Variants in CLDN10 observed in about 807,000 individuals in gnomAD.
CLDN10 encodes the protein claudin 10, also known as claudin-10.
In CLDN10, 15 loss-of-function variants were observed where a neutral mutation model predicts 22.9. The observed-to-expected ratio is 0.65, with a 90% confidence interval of 0.44 to 1.01. The LOEUF is 1.01. CLDN10 is among the 50% of genes least tolerant of loss of function. The pLI, the probability that CLDN10 is intolerant of heterozygous loss-of-function variation, is 0.00. For missense variants in CLDN10, 247 were observed against 287.8 expected (o/e 0.86, Z 1.03); for synonymous variants, 114 against 111.4 (o/e 1.02, Z -0.15).
Position 95,577,943 on chromosome 13 carries a change from A to G in CLDN10, c.616A>G (p.Lys206Glu), listed in dbSNP as rs771521203. ...CACATCTGTCATGTCTTCTCGGACA[A>G]AGTATCATGGTGGAGAAGATTTTAA... ...GATSVMSSRT[K>E]YHGGEDFKTT... Residue 206 changes from lysine (K) to glutamate (E), a missense_variant, in exon 5 of 5, where the codon AAG becomes GAG. Coordinates refer to ENST00000299339, the MANE Select transcript of CLDN10 (RefSeq NM_006984.5). 4.3e-6 allele frequency: 7 copies of G among 1,613,826 alleles called. No homozygotes were observed. The South Asian group carries it at 5.5e-5, about 13-fold the overall frequency.
intron 1 of CLDN10, among the ~76,000 whole-genome samples, chr13:95,542,164 C>T (rs148210227): frequency 1.8e-4 from 28 of 152,316 alleles, no homozygotes; most frequent in East Asian, 1.7e-3. Flanking sequence ...TTCACTATCA[C>T]GGGAACAGCC....
intron 1 of CLDN10, among the ~76,000 whole-genome samples, chr13:95,543,952 TAAG>T (rs1248178704): frequency 1.3e-5 from 2 of 152,156 alleles, no homozygotes; most frequent in African/African-American, 4.8e-5. Flanking sequence ...CTTCTTCATG[TAAG>T]AAGATTATAC....
At chr13:95,506,316 T>A (rs1441361718) in intron 1 of CLDN10, among the ~76,000 whole-genome samples, 1 of 152,190 alleles carries the variant, frequency 6.6e-6, no homozygotes, top group Non-Finnish European at 1.5e-5. Flanking sequence ...AAACAGACAC[T>A]GAACTATGAT....
At chr13:95,492,714 G>GTTCAGCTAGAGAATTCC (rs1037128159) in intron 1 of CLDN10, among the ~76,000 whole-genome samples, 8 of 152,198 alleles carry the variant, frequency 5.3e-5, no homozygotes, top group Non-Finnish European at 8.8e-5. Context: ...TTGTTATAAA[G>GTTCAGCTAGAGAATTCC]TTCAGCTAGA....
At chr13:95,470,215 G>A (rs915871725) in intron 1 of CLDN10, among the ~76,000 whole-genome samples, 7 of 152,170 alleles carry the variant, frequency 4.6e-5, no homozygotes, top group African/African-American at 1.7e-4. Context: ...GAGGTCAAAG[G>A]ATGGGACTTG....
At chr13:95,556,723 T>C (rs1194773767) in intron 1 of CLDN10, among the ~76,000 whole-genome samples, 1 of 152,214 alleles carries the variant, frequency 6.6e-6, no homozygotes, top group Non-Finnish European at 1.5e-5. Context: ...ACCACTGTTC[T>C]CTCAAAGGAT....
At position 95,484,865 on chromosome 13, in the gene CLDN10, CAAAAAAAAA is replaced by C. The variant is rs746231195; in HGVS notation, c.214+50840_214+50848del. Among the ~76,000 whole-genome samples the C allele has an allele frequency of 9.1e-3, 848 of 93,462 alleles. 3 individuals carry two copies. The highest frequency in any genetic ancestry group is 0.014 in the Non-Finnish European group (647 of 47,232). The allele number at this position is 93,462 out of a possible 152,430, so 61.3% of individuals were successfully genotyped here. On this transcript the variant is annotated intron_variant, in intron 1 of 4. Coordinates refer to the CLDN10 transcript ENST00000376873. The stretch of plus-strand genomic sequence containing the variant: ...TGGGTAACAAAGTGAGACCCTGTCT[CAAAAAAAAA>C]AAAAAAAAAAAAAAAAAAAAAGAAG...
At chr13:95,465,497 C>T (rs2042574639) in intron 1 of CLDN10, among the ~76,000 whole-genome samples, 1 of 152,196 alleles carries the variant, frequency 6.6e-6, no homozygotes, top group African/African-American at 2.4e-5. Flanking sequence ...TACAATCACA[C>T]AGCCAGGAAA....
intron 3 of CLDN10, among the ~76,000 whole-genome samples, chr13:95,576,611 C>T (rs898906875): frequency 2.0e-5 from 3 of 152,158 alleles, no homozygotes; most frequent in Non-Finnish European, 4.4e-5. Flanking sequence ...ACCTTTGTTT[C>T]GTGGCCTTCC....
At chr13:95,453,828 T>C (rs2042456493) in intron 1 of CLDN10, among the ~76,000 whole-genome samples, 1 of 152,034 alleles carries the variant, frequency 6.6e-6, no homozygotes, top group African/African-American at 2.4e-5. Flanking sequence ...GAGATTCTAG[T>C]GCCTCGCTGG....
chr13:95,486,080 G>A (rs2138505755), intron 1 of CLDN10, among the ~76,000 whole-genome samples: 1 of 152,300 alleles, frequency 6.6e-6, no homozygotes, highest in East Asian at 1.9e-4. Context: ...TGGGGCATGT[G>A]CAGACAAGAC....
At chr13:95,473,310 A>G (rs970736475) in intron 1 of CLDN10, among the ~76,000 whole-genome samples, 2 of 152,194 alleles carry the variant, frequency 1.3e-5, no homozygotes, top group Admixed American at 1.3e-4. Context: ...TAATAGATGC[A>G]ACAAACCACC....
chr13:95,451,152 A>G (rs1440403341), intron 1 of CLDN10, among the ~76,000 whole-genome samples: 2 of 152,178 alleles, frequency 1.3e-5, no homozygotes, highest in Non-Finnish European at 1.5e-5. Flanking sequence ...TTATCCATCA[A>G]GGACTCTCAG....
At chr13:95,439,866 T>A (rs1035145938) in intron 1 of CLDN10, among the ~76,000 whole-genome samples, 2 of 151,718 alleles carry the variant, frequency 1.3e-5, no homozygotes, top group African/African-American at 4.8e-5. Context: ...GAAAACAAAT[T>A]ACCATGTCAA....
intron 1 of CLDN10, among the ~76,000 whole-genome samples, chr13:95,481,267 T>C (rs1449433580): frequency 6.6e-6 from 1 of 152,182 alleles, no homozygotes; most frequent in Non-Finnish European, 1.5e-5. Context: ...ATGTTAAATC[T>C]GTGACTCAGT....
intron 1 of CLDN10, among the ~76,000 whole-genome samples, chr13:95,459,124 C>A (rs533588971): frequency 6.6e-6 from 1 of 152,322 alleles, no homozygotes; most frequent in African/African-American, 2.4e-5. Context: ...TCTCCCATGG[C>A]CTTGGACAGC....
intron 1 of CLDN10, among the ~76,000 whole-genome samples, chr13:95,494,733 G>A (rs571855532): frequency 9.9e-5 from 15 of 152,206 alleles, no homozygotes; most frequent in African/African-American, 3.4e-4. Context: ...TTCCTCTAGC[G>A]TGTTCTGAAG....
chr13:95,505,233 G>A (rs1288431601), intron 1 of CLDN10, among the ~76,000 whole-genome samples: 16 of 152,304 alleles, frequency 1.1e-4, no homozygotes, highest in African/African-American at 3.9e-4. Context: ...AGCGTCCACA[G>A]GGAGAAAACA....
chr13:95,537,674 G>A (rs888327730), intron 1 of CLDN10, among the ~76,000 whole-genome samples: 1 of 152,060 alleles, frequency 6.6e-6, no homozygotes, highest in South Asian at 2.1e-4. Context: ...CCACAGAATG[G>A]CATTTCCAAA....
Sources: allele counts gnomAD v4.1 joint callset (sites outside exome capture counted in the v4.1 genomes callset), GRCh38; gene constraint gnomAD v4.1.1; transcripts MANE v1.5; gene names NCBI Gene and HGNC (gene_info 2026-07-23, HGNC 2026-07-21).